The following AGFG1 variants were observed in gnomAD, a reference collection of about 807,000 sequenced individuals.
AGFG1 encodes ArfGAP with FG repeats 1, also known as arf-GAP domain and FG repeat-containing protein 1.
In AGFG1, 10 loss-of-function variants were observed where a neutral mutation model predicts 60.6. The ratio of observed to expected loss-of-function variants is 0.16; its 90% confidence interval spans 0.10 to 0.28. AGFG1 has a LOEUF of 0.28. Ranked by LOEUF, AGFG1 falls within the 10% of genes least tolerant of loss-of-function variation. The probability of loss-of-function intolerance (pLI) is 1.00; values close to 1 mark genes in which losing one functional copy is unlikely to be tolerated. For synonymous variants in AGFG1, 247 were observed against 242.9 expected (o/e 1.02, Z -0.16); for missense variants, 537 against 676.5 (o/e 0.79, Z 2.29).
Position 227,497,730 on chromosome 2 carries a change from G to GTTTTTTTT in AGFG1, c.261+6094_261+6095insTTTTTTTT, listed in dbSNP as rs148621752. On this transcript the variant is annotated intron_variant, in intron 2 of 12. Transcript: ENST00000310078. Reference sequence around the variant, plus strand: ...ATATAGCCAAATGAGTTTCTTTCTTGTTTTGTTTTTTTTTTTTTTTTTTTT... The same window carrying GTTTTTTTT: ...ATATAGCCAAATGAGTTTCTTTCTTGTTTTTTTTTTTTGTTTTTTTTTTTTTTTTTTTT... Among the ~76,000 whole-genome samples, 314 of 38,900 alleles carry GTTTTTTTT rather than the reference G, an allele frequency of 8.1e-3. 51 individuals are homozygous for GTTTTTTTT. Among genetic ancestry groups the GTTTTTTTT allele is most frequent in the African/African-American group, 0.02 (261 of 13,214 alleles). 25.5% of individuals were successfully genotyped at this position (38,900 alleles called of 152,430 possible).
At chr2:227,523,969 G>A in intron 4 of AGFG1, 44 bp downstream of exon 4, 1 of 1,537,636 alleles carries the variant, frequency 6.5e-7, no homozygotes, top group Non-Finnish European at 8.9e-7. Flanking sequence ...ACTTAAAGAG[G>A]GCTTGAGTAT....
intron 2 of AGFG1, among the ~76,000 whole-genome samples, 199 bp from the exon 3 acceptor site, chr2:227,519,746 AATG>A (rs1487562431): frequency 6.6e-6 from 1 of 152,148 alleles, no homozygotes. Flanking sequence ...TCCCCTTTTT[AATG>A]ATTTTGTTGC....
At chr2:227,500,790 A>G (rs538607046) in intron 2 of AGFG1, among the ~76,000 whole-genome samples, 4 of 149,746 alleles carry the variant, frequency 2.7e-5, no homozygotes, top group Admixed American at 2.7e-4. Context: ...AAATTAAATT[A>G]AAAAAAAAAT....
chr2:227,499,090 T>C (rs541966464), intron 2 of AGFG1, among the ~76,000 whole-genome samples: 1 of 152,324 alleles, frequency 6.6e-6, no homozygotes, highest in South Asian at 2.1e-4. Flanking sequence ...GACATAAAAT[T>C]TCATCTGTAA....
chr2:227,489,214 G>C (rs1690725669), intron 1 of AGFG1, among the ~76,000 whole-genome samples: 1 of 133,290 alleles, frequency 7.5e-6, no homozygotes, highest in African/African-American at 2.8e-5. Flanking sequence ...TTCAGAGTTA[G>C]TTTTGAGAGT....
chr2:227,488,326 A>G (rs1428608782), intron 1 of AGFG1, among the ~76,000 whole-genome samples: 1 of 152,246 alleles, frequency 6.6e-6, no homozygotes, highest in African/African-American at 2.4e-5. Flanking sequence ...GAGATTACAT[A>G]TGTGTGACGT....
intron 10 of AGFG1, among the ~76,000 whole-genome samples, chr2:227,551,047 A>G (rs1692803924): frequency 6.6e-6 from 1 of 152,216 alleles, no homozygotes; most frequent in Admixed American, 6.5e-5. Flanking sequence ...GAGGGAAATG[A>G]TGGCAGCATT....
intron 11 of AGFG1, among the ~76,000 whole-genome samples, chr2:227,552,774 G>A (rs1692858965): frequency 6.6e-6 from 1 of 151,262 alleles, no homozygotes; most frequent in Admixed American, 6.6e-5. Context: ...GGCTGAAGTG[G>A]GCGGATCATC....
chr2:227,485,979 G>A (rs1301668661), intron 1 of AGFG1, among the ~76,000 whole-genome samples: 1 of 152,008 alleles, frequency 6.6e-6, no homozygotes, highest in Non-Finnish European at 1.5e-5. Context: ...ATATTTTATT[G>A]AACTTAATAT....
At chr2:227,473,672 G>A (rs971641589) in intron 1 of AGFG1, among the ~76,000 whole-genome samples, 1 of 152,112 alleles carries the variant, frequency 6.6e-6, no homozygotes, top group African/African-American at 2.4e-5. Flanking sequence ...TACTAACAAC[G>A]TGGCAGTTAC....
intron 10 of AGFG1, among the ~76,000 whole-genome samples, chr2:227,541,339 A>G (rs1692487219): frequency 6.6e-6 from 1 of 152,190 alleles, no homozygotes; most frequent in Non-Finnish European, 1.5e-5. Flanking sequence ...TCTAACACTT[A>G]AGTCTTTAAT....
At chr2:227,530,235 G>T (rs1692118635) in intron 5 of AGFG1, among the ~76,000 whole-genome samples, 1 of 152,110 alleles carries the variant, frequency 6.6e-6, no homozygotes, top group Admixed American at 6.6e-5. Context: ...GGATTTCTTT[G>T]TACAGAGATT....
chr2:227,530,904 C>T (rs949425445), intron 5 of AGFG1, among the ~76,000 whole-genome samples, 187 bp from the exon 6 acceptor site: 3 of 152,036 alleles, frequency 2.0e-5, no homozygotes, highest in African/African-American at 7.2e-5. Context: ...CTTGGTTACT[C>T]CTTAGTAAAT....
rs369764556 is a variant in AGFG1 at position 227,522,649 on chromosome 2, A to G, written c.378-1114A>G. Among the ~76,000 whole-genome samples the G allele has an allele frequency of 1.6e-4, 24 of 152,336 alleles. 1 individual carries two copies. In the East Asian group the frequency reaches 1.9e-3, roughly 12 times the overall value. On this transcript the variant is annotated intron_variant, in intron 3 of 12. Coordinates refer to ENST00000310078, the MANE Select transcript of AGFG1 (RefSeq NM_004504.5). ...CAAGGTTTCACAGCCATTTAGTGGT[A>G]GAGCTGGGATTTGAACTCTTGTCTC... is the stretch of plus-strand genomic sequence containing the variant.
At chr2:227,489,827 T>TC (rs1432307437) in intron 1 of AGFG1, among the ~76,000 whole-genome samples, 1 of 152,048 alleles carries the variant, frequency 6.6e-6, no homozygotes, top group East Asian at 1.9e-4. Context: ...TACTTTTTTT[T>TC]TTTTTTGAGA....
At chr2:227,551,504 G>A (rs1455582606) in intron 10 of AGFG1, among the ~76,000 whole-genome samples, 1 of 151,856 alleles carries the variant, frequency 6.6e-6, no homozygotes, top group African/African-American at 2.4e-5. Flanking sequence ...ATTCTTCAGC[G>A]GTTTAAAATT....
chr2:227,531,081 C>A lies in AGFG1; in HGVS notation c.695-10C>A. ...ATTCATTAACATATGTTGTTCCTTA[C>A]CATTTACAGCTCAGAATTCTGCAAA... On this transcript the variant is annotated splice_polypyrimidine_tract_variant and intron_variant, in intron 5 of 12. Transcript: ENST00000310078. 6.2e-7 allele frequency: 1 copy of A among 1,607,586 alleles called. No homozygotes were observed. Among genetic ancestry groups the A allele is most frequent in the African/African-American group, 1.3e-5 (1 of 74,820 alleles).
chr2:227,507,171 T>TA (rs541747694), intron 2 of AGFG1, among the ~76,000 whole-genome samples: 86 of 149,130 alleles, frequency 5.8e-4, no homozygotes, highest in African/African-American at 1.1e-3. Context: ...TCTTTAAAGT[T>TA]AAAAAAAAAA....
chr2:227,482,063 C>T (rs1249046774), intron 1 of AGFG1, among the ~76,000 whole-genome samples: 1 of 151,926 alleles, frequency 6.6e-6, no homozygotes, highest in African/African-American at 2.4e-5. Flanking sequence ...GACGGGGTTT[C>T]ACCATGTCAG....
Sources: gnomAD v4.1 joint callset for allele counts (sites outside exome capture counted in the v4.1 genomes callset) on GRCh38, gnomAD v4.1.1 for gene constraint, MANE v1.5 for transcripts, NCBI Gene and HGNC (gene_info 2026-07-23, HGNC 2026-07-21) for gene names.